Variants in ARHGAP25 observed in about 807,000 individuals in gnomAD.
The protein encoded by ARHGAP25 is rho GTPase-activating protein 25.
Under a neutral mutation model 71.0 loss-of-function variants are expected in ARHGAP25, and 34 were observed. That is an observed-to-expected ratio of 0.48 (90% CI 0.36 to 0.64). ARHGAP25 has a LOEUF of 0.64. Ranked by LOEUF, ARHGAP25 falls within the 30% of genes least tolerant of loss-of-function variation. ARHGAP25 has a pLI of 0.00. For missense variants in ARHGAP25, 706 were observed against 805.1 expected (o/e 0.88, Z 1.49); for synonymous variants, 282 against 296.5 (o/e 0.95, Z 0.50).
At chr2:68,804,199 A>G (rs907081950) in intron 4 of ARHGAP25, among the ~76,000 whole-genome samples, 2 of 152,208 alleles carry the variant, frequency 1.3e-5, no homozygotes, top group Admixed American at 6.5e-5. Context: ...ATCATCTGCA[A>G]GGTGGAGCAT....
Position 68,725,353 on chromosome 2 carries a change from C to G in ARHGAP25, c.-18+14655C>G, listed in dbSNP as rs967676292. ...ATAATAATAATTATTGAAACAGAGTCTCTCTCTGACACCCAGGCTGGAGTA... is the reference window on the plus strand; with the variant it reads ...ATAATAATAATTATTGAAACAGAGTGTCTCTCTGACACCCAGGCTGGAGTA... On this transcript the variant is annotated intron_variant and NMD_transcript_variant, in intron 2 of 7. Transcript: ENST00000463483. 3.3e-5 allele frequency among the ~76,000 whole-genome samples: 5 copies of G among 152,070 alleles called. No homozygotes were observed. The East Asian group carries it at 9.6e-4, about 29-fold the overall frequency.
intron 2 of ARHGAP25, among the ~76,000 whole-genome samples, chr2:68,727,818 A>T (rs960037561): frequency 6.6e-6 from 1 of 152,228 alleles, no homozygotes; most frequent in African/African-American, 2.4e-5. Flanking sequence ...GACGGTGACA[A>T]CCACAACCTG....
chr2:68,788,565 A>G (rs1343466712), intron 4 of ARHGAP25, among the ~76,000 whole-genome samples: 1 of 152,234 alleles, frequency 6.6e-6, no homozygotes, highest in African/African-American at 2.4e-5. Flanking sequence ...CTCTCTGGGA[A>G]TCCTGGTGAT....
At chr2:68,785,258 GT>G (rs955465465) in intron 3 of ARHGAP25, among the ~76,000 whole-genome samples, 1 of 152,178 alleles carries the variant, frequency 6.6e-6, no homozygotes, top group Admixed American at 6.5e-5. Context: ...CATAACTCAT[GT>G]TTTAAAATTC....
chr2:68,806,556 C>G (rs546034109), intron 4 of ARHGAP25, among the ~76,000 whole-genome samples: 1 of 152,170 alleles, frequency 6.6e-6, no homozygotes, highest in Non-Finnish European at 1.5e-5. Flanking sequence ...ACAACTACTA[C>G]GCGACTCCTG....
intron 1 of ARHGAP25, among the ~76,000 whole-genome samples, chr2:68,758,955 G>C (rs1194763028): frequency 6.6e-6 from 1 of 151,780 alleles, no homozygotes; most frequent in Non-Finnish European, 1.5e-5. Context: ...AGAAGGAATA[G>C]TAGAAAATTC....
chr2:68,797,759 CA>C (rs1679668691), intron 4 of ARHGAP25, among the ~76,000 whole-genome samples: 1 of 152,232 alleles, frequency 6.6e-6, no homozygotes. Context: ...AGTTCCATAT[CA>C]TAGTCTTCTT....
intron 1 of ARHGAP25, among the ~76,000 whole-genome samples, chr2:68,752,028 G>A (rs1241683537): frequency 1.3e-5 from 2 of 152,144 alleles, no homozygotes; most frequent in African/African-American, 2.4e-5. Flanking sequence ...AAAATAACGC[G>A]ACCACGAATA....
intron 3 of ARHGAP25, among the ~76,000 whole-genome samples, chr2:68,785,318 G>C (rs115689883): frequency 1.9e-3 from 286 of 152,308 alleles, no homozygotes; most frequent in African/African-American, 6.6e-3. Flanking sequence ...GCAGAACAAG[G>C]AGATCAGTGA....
upstream of ARHGAP25, among the ~76,000 whole-genome samples, chr2:68,731,352 C>A (rs541869825): frequency 8.5e-5 from 13 of 152,238 alleles, no homozygotes; most frequent in African/African-American, 3.1e-4. Flanking sequence ...AATAATTCTC[C>A]TGGGGCTATC....
At chr2:68,762,889 G>T (rs1377490179) in intron 1 of ARHGAP25, among the ~76,000 whole-genome samples, 1 of 152,112 alleles carries the variant, frequency 6.6e-6, no homozygotes, top group East Asian at 1.9e-4. Flanking sequence ...GACCTTGGGT[G>T]ATAAAAGGGA....
At chr2:68,744,885 T>A (rs1675727347) in intron 1 of ARHGAP25, among the ~76,000 whole-genome samples, 1 of 152,256 alleles carries the variant, frequency 6.6e-6, no homozygotes, top group East Asian at 1.9e-4. Flanking sequence ...AATCTCATTC[T>A]TCTGTGGCCT....
chr2:68,738,294 T>C (rs1430552586), intron 1 of ARHGAP25, among the ~76,000 whole-genome samples: 8 of 152,220 alleles, frequency 5.3e-5, no homozygotes, highest in Admixed American at 2.0e-4. Context: ...CAGGGCTTTC[T>C]TGAAAGAGTT....
intron 5 of ARHGAP25, among the ~76,000 whole-genome samples, chr2:68,812,082 T>G (rs887143643): frequency 6.6e-6 from 1 of 152,214 alleles, no homozygotes; most frequent in African/African-American, 2.4e-5. Flanking sequence ...TCAACAAACT[T>G]TTCTTAATGG....
chr2:68,818,810 G>A (rs1681420248), intron 8 of ARHGAP25, among the ~76,000 whole-genome samples: 1 of 152,234 alleles, frequency 6.6e-6, no homozygotes, highest in African/African-American at 2.4e-5. Flanking sequence ...ACCACATCAG[G>A]AGAGAAAGAT....
At chr2:68,758,819 A>C (rs1476014428) in intron 1 of ARHGAP25, among the ~76,000 whole-genome samples, 1 of 151,976 alleles carries the variant, frequency 6.6e-6, no homozygotes, top group Non-Finnish European at 1.5e-5. Context: ...TGTCAAGTGC[A>C]CATGGATATT....
intron 1 of ARHGAP25, among the ~76,000 whole-genome samples, chr2:68,750,055 G>A (rs1225169613): frequency 1.3e-5 from 2 of 152,106 alleles, no homozygotes; most frequent in African/African-American, 2.4e-5. Flanking sequence ...CGCCCAGTCT[G>A]GAGTACAGCT....
At chr2:68,749,464 C>A (rs1015782401) in intron 1 of ARHGAP25, among the ~76,000 whole-genome samples, 2 of 152,228 alleles carry the variant, frequency 1.3e-5, no homozygotes, top group African/African-American at 4.8e-5. Context: ...ACCTCCCTTT[C>A]AAGCCTAGAT....
intron 1 of ARHGAP25, among the ~76,000 whole-genome samples, chr2:68,740,079 T>A (rs1047741318): frequency 6.6e-6 from 1 of 152,198 alleles, no homozygotes; most frequent in Non-Finnish European, 1.5e-5. Context: ...AAGACAGTCC[T>A]GTAGGGCATA....
Sources: allele counts gnomAD v4.1 joint callset (sites outside exome capture counted in the v4.1 genomes callset), GRCh38; gene constraint gnomAD v4.1.1; transcripts MANE v1.5; gene names NCBI Gene and HGNC (gene_info 2026-07-23, HGNC 2026-07-21).